FAM107B: variants seen among roughly 807,000 people sequenced by gnomAD.
The protein encoded by FAM107B is protein FAM107B.
Under a neutral mutation model 31.5 loss-of-function variants are expected in FAM107B, and 21 were observed. The observed-to-expected ratio is 0.67, with a 90% CI of 0.47 to 0.96. FAM107B has a LOEUF of 0.96. FAM107B is among the 40% of genes least tolerant of loss of function. The pLI is 0.00. For missense variants in FAM107B, 452 were observed against 377.1 expected, an observed-to-expected ratio of 1.20 and a Z score of -1.64; for synonymous variants, 157 against 141.5, an observed-to-expected ratio of 1.11 and a Z score of -0.78.
chr10:14,608,477 A>G (rs1293255039), intron 2 of FAM107B, among the ~76,000 whole-genome samples: 1 of 152,200 alleles, frequency 6.6e-6, no homozygotes, highest in Non-Finnish European at 1.5e-5. Context: ...CCCATGTGGC[A>G]TTAGCTTGGC....
At chr10:14,774,166 AGTTT>A in intron 1 of FAM107B, 83 bp downstream of exon 1, 1 of 1,497,646 alleles carries the variant, frequency 6.7e-7, no homozygotes, top group Non-Finnish European at 9.0e-7. Flanking sequence ...AGGTTAAATG[AGTTT>A]GTTTGCTGAA....
At chr10:14,570,018 G>A (rs1851057807) in intron 2 of FAM107B, among the ~76,000 whole-genome samples, 1 of 152,194 alleles carries the variant, frequency 6.6e-6, no homozygotes, top group African/African-American at 2.4e-5. Flanking sequence ...ACTGTCATGA[G>A]CCATAGAAAG....
intron 2 of FAM107B, among the ~76,000 whole-genome samples, chr10:14,560,901 C>T (rs946502126): frequency 1.4e-4 from 21 of 152,224 alleles, no homozygotes; most frequent in African/African-American, 5.1e-4. Context: ...CCCTACAGAG[C>T]AGATGACTGT....
At chr10:14,669,311 C>T (rs1280918858) in intron 1 of FAM107B, among the ~76,000 whole-genome samples, 1 of 141,884 alleles carries the variant, frequency 7.0e-6, no homozygotes, top group Non-Finnish European at 1.5e-5. Flanking sequence ...TGGAGGTTGC[C>T]GTGAGCTGAG....
At chr10:14,706,157 G>A (rs1855514445) in intron 1 of FAM107B, among the ~76,000 whole-genome samples, 1 of 152,206 alleles carries the variant, frequency 6.6e-6, no homozygotes, top group South Asian at 2.1e-4. Flanking sequence ...CATGGAGGCT[G>A]TGCACAAACT....
chr10:14,521,209 G>A lies in FAM107B; in HGVS notation c.902C>T (p.Ala301Val), dbSNP rs1394894307. 1 of 1,614,134 alleles carries A rather than the reference G, an allele frequency of 6.2e-7. No homozygotes were observed. Among genetic ancestry groups the A allele is most frequent in the Admixed American group, 1.7e-5 (1 of 60,024 alleles). The change falls in exon 5 of 5, where the codon GCC becomes GTC. Residue 301 changes from alanine (A) to valine (V), a missense_variant. Ala to Val is a moderately conservative substitution (Grantham distance 64, BLOSUM62 0). Transcript: ENST00000181796. ...CTCAGCCTAGGACTCCTGGGCTTGGGCGACTTCTTGGCCTGTTCTCCTGAG... is the reference window on the plus strand; with the variant it reads ...CTCAGCCTAGGACTCCTGGGCTTGGACGACTTCTTGGCCTGTTCTCCTGAG... ...GNLRRTGQEV[A>V]QAQES
chr10:14,728,634 G>T (rs1856092950), intron 1 of FAM107B, among the ~76,000 whole-genome samples: 1 of 152,152 alleles, frequency 6.6e-6, no homozygotes, highest in South Asian at 2.1e-4. Context: ...CTTACCGCAT[G>T]GTGATTTATT....
chr10:14,548,015 C>T (rs1848868373), intron 2 of FAM107B, among the ~76,000 whole-genome samples: 3 of 152,214 alleles, frequency 2.0e-5, no homozygotes, highest in Non-Finnish European at 4.4e-5. Context: ...CTTCAGACCA[C>T]CTGGTGGGCT....
chr10:14,687,016 T>C (rs1338994360), intron 1 of FAM107B, among the ~76,000 whole-genome samples: 2 of 152,236 alleles, frequency 1.3e-5, no homozygotes, highest in African/African-American at 4.8e-5. Context: ...TCAGGAAATT[T>C]TACGCTCAAA....
At chr10:14,553,374 T>G in intron 2 of FAM107B, 23 of 1,280,690 alleles carry the variant, frequency 1.8e-5, no homozygotes, top group Non-Finnish European at 2.3e-5. Context: ...AAAATTAGTT[T>G]CAACTGCATT....
intron 2 of FAM107B, among the ~76,000 whole-genome samples, chr10:14,581,282 G>T (rs1851627744): frequency 1.3e-5 from 2 of 152,204 alleles, no homozygotes; most frequent in Non-Finnish European, 2.9e-5. Flanking sequence ...GGGATCTGGA[G>T]AAACACAGAG....
At position 14,629,521 on chromosome 10, in the gene FAM107B, A is replaced by ATATATTT. The variant is rs1172189422; in HGVS notation, c.469+38112_469+38113insAAATATA. 3.5e-3 allele frequency among the ~76,000 whole-genome samples: 339 copies of ATATATTT among 97,786 alleles called. 15 individuals are homozygous for ATATATTT. The highest frequency in any genetic ancestry group is 6.8e-3 in the African/African-American group (155 of 22,830). 64.2% of individuals were successfully genotyped at this position (97,786 alleles called of 152,430 possible). On this transcript the variant is annotated intron_variant, in intron 2 of 4. Coordinates refer to ENST00000181796, the MANE Select transcript of FAM107B (RefSeq NM_031453.4). ...ATATATATTTAATATATATATATAT[A>ATATATTT]TTTTTTTTTGAGATGAAGACTCGCT...
At position 14,530,317 on chromosome 10, in the gene FAM107B, A is replaced by G. The variant is rs1483045852; in HGVS notation, c.653+15T>C. On this transcript the variant is annotated intron_variant, in intron 3 of 4. Coordinates refer to ENST00000181796, the MANE Select transcript of FAM107B (RefSeq NM_031453.4). ...GTCCTCTTAAAAAAAAAATATGCTC[A>G]AGAAACCATTTTACCTTTTTTGATT... The G allele has an allele frequency of 7.5e-6, 12 of 1,597,908 alleles. No homozygotes were observed. The highest frequency in any genetic ancestry group is 1.0e-5 in the Non-Finnish European group (12 of 1,175,420).
intron 2 of FAM107B, among the ~76,000 whole-genome samples, chr10:14,631,927 C>A (rs7894257): frequency 0.011 from 1,729 of 152,138 alleles, 30 homozygotes; most frequent in African/African-American, 0.04. Flanking sequence ...GGTTGCCATA[C>A]GACCGCACAA....
intron 1 of FAM107B, among the ~76,000 whole-genome samples, chr10:14,752,518 A>G (rs746780211): frequency 1.3e-5 from 2 of 152,250 alleles, no homozygotes; most frequent in Non-Finnish European, 2.9e-5. Flanking sequence ...GTTTTAGTAT[A>G]GGACGCAAAC....
chr10:14,576,332 G>C (rs1372440283), intron 2 of FAM107B, among the ~76,000 whole-genome samples: 2 of 152,156 alleles, frequency 1.3e-5, no homozygotes, highest in African/African-American at 4.8e-5. Flanking sequence ...TTCGAGACCA[G>C]CCTGGCAAAC....
chr10:14,771,548 A>C (rs1030052553), intron 1 of FAM107B, among the ~76,000 whole-genome samples: 1 of 143,764 alleles, frequency 7.0e-6, no homozygotes, highest in African/African-American at 2.9e-5. Context: ...CCCTGATTTA[A>C]TTACACATTT....
chr10:14,577,186 C>T (rs910840791), intron 2 of FAM107B, among the ~76,000 whole-genome samples: 8 of 152,208 alleles, frequency 5.3e-5, no homozygotes, highest in African/African-American at 1.7e-4. Context: ...ATTGCGTATT[C>T]TCGATGTGTA....
intron 2 of FAM107B, among the ~76,000 whole-genome samples, chr10:14,621,782 T>C (rs1330442999): frequency 6.6e-6 from 1 of 151,844 alleles, no homozygotes; most frequent in Non-Finnish European, 1.5e-5. Context: ...ACCAGCCCCA[T>C]TCCACAGCTC....
Sources: gnomAD v4.1 joint callset for allele counts (sites outside exome capture counted in the v4.1 genomes callset) on GRCh38, gnomAD v4.1.1 for gene constraint, MANE v1.5 for transcripts, NCBI Gene and HGNC (gene_info 2026-07-23, HGNC 2026-07-21) for gene names.